THEMIS: variants seen among roughly 807,000 people sequenced by gnomAD.
THEMIS encodes the protein thymocyte selection associated.
In THEMIS, 37 loss-of-function variants were observed where a neutral mutation model predicts 52.6. The observed-to-expected ratio is 0.70, with a 90% CI of 0.54 to 0.93. THEMIS has a LOEUF of 0.93. Among genes scored for constraint, THEMIS ranks in the 40% least tolerant of loss-of-function variants. THEMIS has a pLI of 0.00. For missense variants in THEMIS, 808 were observed against 763.1 expected, an observed-to-expected ratio of 1.06 and a Z score of -0.69; for synonymous variants, 292 against 272.7, an observed-to-expected ratio of 1.07 and a Z score of -0.70.
intron 4 of THEMIS, chr6:127,807,341 C>G (rs1450307721): frequency 7.9e-6 from 2 of 252,960 alleles, no homozygotes; most frequent in Admixed American, 1.2e-4. Context: ...GCCTAGGCAA[C>G]AGAGTGAGAA....
At position 127,892,157 on chromosome 6, in the gene THEMIS, C is replaced by A. The variant is rs370280298; in HGVS notation, c.91+8685G>T. On this transcript the variant is annotated intron_variant, in intron 1 of 5. Transcript: ENST00000368248. ...GGCCTACAAGGTCTGGGCCTGCCCA[C>A]GCCTCAGTCTTTCTCCCACCATCCT... Among the ~76,000 whole-genome samples, 3 of 152,304 alleles carry A rather than the reference C, an allele frequency of 2.0e-5. No homozygotes were observed. In the East Asian group the frequency reaches 5.8e-4, roughly 29 times the overall value.
intron 4 of THEMIS, among the ~76,000 whole-genome samples, chr6:127,794,223 G>T (rs1777252766): frequency 1.3e-5 from 2 of 152,146 alleles, no homozygotes; most frequent in South Asian, 2.1e-4. Flanking sequence ...TATTAAGACG[G>T]CAATGTTCTT....
intron 4 of THEMIS, among the ~76,000 whole-genome samples, chr6:127,755,073 T>C (rs1481245454): frequency 6.6e-6 from 1 of 152,164 alleles, no homozygotes; most frequent in African/African-American, 2.4e-5. Flanking sequence ...GTAAATTCTT[T>C]AAATAAAAAT....
chr6:127,835,531 A>G (rs1273795233), intron 2 of THEMIS, among the ~76,000 whole-genome samples: 1 of 152,190 alleles, frequency 6.6e-6, no homozygotes, highest in Non-Finnish European at 1.5e-5. Context: ...ACAGCTAGTA[A>G]GCACCAAATG....
chr6:127,848,744 T>C (rs1039628181), intron 2 of THEMIS, among the ~76,000 whole-genome samples: 4 of 152,176 alleles, frequency 2.6e-5, no homozygotes, highest in Non-Finnish European at 4.4e-5. Context: ...TGTCTGTTCA[T>C]ATCCCTTGCC....
chr6:127,850,729 T>C (rs984954295), intron 2 of THEMIS, among the ~76,000 whole-genome samples: 13 of 151,672 alleles, frequency 8.6e-5, no homozygotes, highest in African/African-American at 2.9e-4. Context: ...TTTGGGGACT[T>C]AGCGGGGAAG....
downstream of THEMIS, among the ~76,000 whole-genome samples, chr6:127,703,193 G>A (rs1221849587): frequency 1.3e-5 from 2 of 149,846 alleles, no homozygotes; most frequent in East Asian, 2.0e-4. Flanking sequence ...GACTACAGGC[G>A]CCCGCCACTA....
chr6:127,723,841 C>T lies in THEMIS; in HGVS notation c.1759-4018G>A, dbSNP rs181380151. On this transcript the variant is annotated intron_variant, in intron 4 of 5. Transcript: ENST00000368248. ...TACTATAATGCAATTTTTATAATTA[C>T]AATCAAATAATAGCTGTTTTCATGT... Among the ~76,000 whole-genome samples, 8 of 152,104 alleles carry T rather than the reference C, an allele frequency of 5.3e-5. No individual in the cohort carries two copies. In the East Asian group the frequency reaches 1.6e-3, roughly 30 times the overall value.
chr6:127,819,725 A>C (rs951524919), intron 3 of THEMIS, among the ~76,000 whole-genome samples: 1 of 152,184 alleles, frequency 6.6e-6, no homozygotes, highest in Admixed American at 6.5e-5. Flanking sequence ...AGACTTACTT[A>C]TGTGAGTAAC....
chr6:127,834,797 C>T (rs976416222), intron 2 of THEMIS, among the ~76,000 whole-genome samples: 2 of 152,060 alleles, frequency 1.3e-5, no homozygotes, highest in Non-Finnish European at 2.9e-5. Flanking sequence ...ACTGCAAAAC[C>T]TAACACATTT....
chr6:127,899,238 A>G (rs1781062342), intron 1 of THEMIS, among the ~76,000 whole-genome samples: 1 of 151,870 alleles, frequency 6.6e-6, no homozygotes, highest in South Asian at 2.1e-4. Context: ...ATAAATATGT[A>G]TATATATTAT....
At chr6:127,797,623 T>C (rs897217136) in intron 4 of THEMIS, among the ~76,000 whole-genome samples, 9 of 152,134 alleles carry the variant, frequency 5.9e-5, no homozygotes, top group Admixed American at 6.6e-5. Flanking sequence ...TCCAAATGGA[T>C]CACCTGAAGA....
chr6:127,914,394 A>T (rs1472634266), intron 1 of THEMIS, among the ~76,000 whole-genome samples: 1 of 152,204 alleles, frequency 6.6e-6, no homozygotes, highest in Non-Finnish European at 1.5e-5. Flanking sequence ...AAACATAGTC[A>T]TGTGTCACTT....
rs1302643541 is a variant in THEMIS, at chr6:127,839,464, G to A, written c.251-9530C>T. 2.0e-5 allele frequency among the ~76,000 whole-genome samples: 3 copies of A among 151,982 alleles called. No individual in the cohort carries two copies. The South Asian group carries it at 6.2e-4, about 32-fold the overall frequency. ...CTCATTTGATACTCTGTTTTACAGG[G>A]TAATGTTACTATTTGCAAATAATGA... On this transcript the variant is annotated intron_variant, in intron 2 of 5. Transcript: ENST00000368248.
At chr6:127,742,333 CAAAAAAACAAACAAAA>C (rs1775234513) in intron 4 of THEMIS, among the ~76,000 whole-genome samples, 2 of 135,026 alleles carry the variant, frequency 1.5e-5, no homozygotes, top group African/African-American at 2.8e-5. Context: ...AAAAAACAAA[CAAAAAAACAAACAAAA>C]AAACAAAAAA....
chr6:127,853,800 T>G (rs1779512392), intron 2 of THEMIS, among the ~76,000 whole-genome samples: 2 of 151,626 alleles, frequency 1.3e-5, no homozygotes, highest in Non-Finnish European at 1.5e-5. Context: ...CACTAGGAGA[T>G]AGACAGTATT....
intron 4 of THEMIS, among the ~76,000 whole-genome samples, chr6:127,755,435 T>C (rs1052453921): frequency 2.6e-5 from 4 of 152,118 alleles, no homozygotes; most frequent in South Asian, 2.1e-4. Flanking sequence ...ATCCAAAATA[T>C]ACATTTTTTT....
intron 4 of THEMIS, among the ~76,000 whole-genome samples, chr6:127,721,987 G>A (rs191852899): frequency 1.5e-3 from 233 of 152,064 alleles, no homozygotes; most frequent in Non-Finnish European, 2.7e-3. Flanking sequence ...GAAATGCTGA[G>A]TTTATTTACT....
Position 127,769,470 on chromosome 6 carries a change from G to A in THEMIS, c.1758+43413C>T, listed in dbSNP as rs571153714. 4.1e-4 allele frequency among the ~76,000 whole-genome samples: 62 copies of A among 151,536 alleles called. No individual in the cohort carries two copies. The Middle Eastern group carries it at 0.01, about 25-fold the overall frequency. ...ACATTTCATCCCTCATTTTACAAGT[G>A]AAGAGAGAGTGGCACAGACGAAGCA... On this transcript the variant is annotated intron_variant, in intron 4 of 5. Transcript: ENST00000368248.
Sources: gnomAD v4.1 joint callset for allele counts (sites outside exome capture counted in the v4.1 genomes callset) on GRCh38, gnomAD v4.1.1 for gene constraint, MANE v1.5 for transcripts, NCBI Gene and HGNC (gene_info 2026-07-23, HGNC 2026-07-21) for gene names.